DIP2B: variants seen among roughly 807,000 people sequenced by gnomAD.
DIP2B encodes the protein disco-interacting protein 2 homolog B.
DIP2B carries 76 observed loss-of-function variants against 198.0 expected under a neutral mutation model. The ratio of observed to expected loss-of-function variants is 0.38; its 90% confidence interval spans 0.32 to 0.46. The LOEUF is 0.46. DIP2B is among the 20% of genes least tolerant of loss of function. DIP2B has a pLI of 0.99. For synonymous variants in DIP2B, 701 were observed against 739.1 expected (o/e 0.95, Z 0.84); for missense variants, 1,559 against 1,978.4 (o/e 0.79, Z 4.02).
intron 1 of DIP2B, among the ~76,000 whole-genome samples, chr12:50,546,135 A>G (rs73307136): frequency 0.029 from 4,463 of 152,282 alleles, 212 homozygotes; most frequent in African/African-American, 0.1. Flanking sequence ...TTCCTTCTTC[A>G]CATAAGATGG....
chr12:50,560,362 T>C (rs2139396663), intron 1 of DIP2B, among the ~76,000 whole-genome samples: 1 of 149,478 alleles, frequency 6.7e-6, no homozygotes, highest in African/African-American at 2.5e-5. Flanking sequence ...AGCCACTGCA[T>C]TCCAGCTTGG....
intron 22 of DIP2B, 27 bp from the exon 23 acceptor site, chr12:50,714,368 T>A: frequency 1.2e-6 from 2 of 1,613,302 alleles, no homozygotes; most frequent in Non-Finnish European, 1.7e-6. Context: ...GTGATCTCAC[T>A]GAGTATTTTT....
At chr12:50,562,848 CTGAT>C (rs773615601) in intron 1 of DIP2B, among the ~76,000 whole-genome samples, 2 of 152,000 alleles carry the variant, frequency 1.3e-5, no homozygotes, top group African/African-American at 2.4e-5. Context: ...GGGAGAGAGA[CTGAT>C]TGATTGTAAT....
intron 1 of DIP2B, among the ~76,000 whole-genome samples, chr12:50,527,894 A>C (rs1958180735): frequency 6.6e-6 from 1 of 152,020 alleles, no homozygotes; most frequent in East Asian, 1.9e-4. Flanking sequence ...CAGTTGTGGA[A>C]AAAAGTGCTT....
In DIP2B at chr12:50,709,448, C is replaced by T. The variant is rs550625467; in HGVS notation, c.2649+886C>T. 1.1e-4 allele frequency among the ~76,000 whole-genome samples: 17 copies of T among 151,430 alleles called. No homozygotes were observed. In the East Asian group the frequency reaches 2.7e-3, roughly 24 times the overall value. On this transcript the variant is annotated intron_variant, in intron 22 of 37. Coordinates refer to ENST00000301180, the MANE Select transcript of DIP2B (RefSeq NM_173602.3). ...GAGATCGAGACCATCCTGGCTAACA[C>T]GGTGAAACCCCGTCTCTACTAAAAA...
At position 50,680,909 on chromosome 12, in the gene DIP2B, G is replaced by T. The variant is rs17124871; in HGVS notation, c.1206+146G>T. ...AAAATAAAAATGGTTTGGTTCCAAC[G>T]CAGGTTAGCCCAATGCCAGATGACA... On this transcript the variant is annotated intron_variant, in intron 9 of 37. Transcript: ENST00000301180. 7.0e-4 allele frequency: 572 copies of T among 814,604 alleles called. 2 individuals carry two copies. The African/African-American group carries it at 8.7e-3, about 12-fold the overall frequency. 50.5% of individuals were successfully genotyped at this position (814,604 alleles called of 1,614,324 possible).
chr12:50,716,954 G>GTTGCTTTTTTTTTTTTTTT (rs1207995433), intron 23 of DIP2B, among the ~76,000 whole-genome samples: 1 of 18,540 alleles, frequency 5.4e-5, no homozygotes, highest in Non-Finnish European at 1.3e-4. Context: ...TTTACGAATT[G>GTTGCTTTTTTTTTTTTTTT]TTGCTTTTTT....
At chr12:50,672,951 A>T (rs1345698547) in intron 5 of DIP2B, among the ~76,000 whole-genome samples, 1 of 152,062 alleles carries the variant, frequency 6.6e-6, no homozygotes, top group African/African-American at 2.4e-5. Flanking sequence ...CTATTGTGTG[A>T]CTCTCTGCCC....
At chr12:50,583,531 G>A (rs1008107181) in intron 1 of DIP2B, among the ~76,000 whole-genome samples, 1 of 152,100 alleles carries the variant, frequency 6.6e-6, no homozygotes, top group African/African-American at 2.4e-5. Flanking sequence ...CAGATGTCCC[G>A]ATGTAGGATT....
chr12:50,736,132 C>A (rs532629656), intron 34 of DIP2B, among the ~76,000 whole-genome samples: 1 of 152,264 alleles, frequency 6.6e-6, no homozygotes, highest in South Asian at 2.1e-4. Flanking sequence ...AGAATCCCTG[C>A]CAAACCTACT....
chr12:50,691,272 C>A, intron 13 of DIP2B, 121 bp downstream of exon 13: 3 of 896,272 alleles, frequency 3.3e-6, no homozygotes, highest in South Asian at 1.8e-5. Context: ...TCCCAAGACA[C>A]ATTCTTGGCT....
At chr12:50,605,826 C>T (rs1958976345) in intron 1 of DIP2B, among the ~76,000 whole-genome samples, 1 of 151,812 alleles carries the variant, frequency 6.6e-6, no homozygotes, top group South Asian at 2.1e-4. Context: ...CTTTTCTTTT[C>T]TTTCGTTTTT....
chr12:50,648,819 T>C (rs1431400852), intron 3 of DIP2B, among the ~76,000 whole-genome samples: 3 of 152,122 alleles, frequency 2.0e-5, no homozygotes, highest in South Asian at 4.1e-4. Flanking sequence ...GTGTAAGAAT[T>C]AGAAAAGAAG....
chr12:50,597,874 C>A (rs1958891872), intron 1 of DIP2B, among the ~76,000 whole-genome samples: 1 of 152,112 alleles, frequency 6.6e-6, no homozygotes, highest in African/African-American at 2.4e-5. Context: ...ACTGAACAGT[C>A]AAGTTCTTTT....
chr12:50,600,894 T>TCACCACCACCACCACCAC (rs34616785), intron 1 of DIP2B, among the ~76,000 whole-genome samples: 24 of 121,578 alleles, frequency 2.0e-4, no homozygotes, highest in African/African-American at 3.2e-4. Flanking sequence ...ATGACCACCA[T>TCACCACCACCACCACCAC]CACCACCACC....
At chr12:50,511,028 C>T (rs1351762033) in intron 1 of DIP2B, among the ~76,000 whole-genome samples, 1 of 151,076 alleles carries the variant, frequency 6.6e-6, no homozygotes, top group Non-Finnish European at 1.5e-5. Context: ...TCACTGCAAC[C>T]TCTGCCTCCT....
chr12:50,717,690 A>G (rs1017436541), intron 23 of DIP2B, among the ~76,000 whole-genome samples: 6 of 150,496 alleles, frequency 4.0e-5, no homozygotes, highest in African/African-American at 1.2e-4. Flanking sequence ...TCTGGCACAA[A>G]TGATCCTCCC....
chr12:50,601,365 GAC>G (rs1958935176), intron 1 of DIP2B, among the ~76,000 whole-genome samples: 1 of 150,320 alleles, frequency 6.7e-6, no homozygotes, highest in Non-Finnish European at 1.5e-5. Context: ...TTTTTTTTTA[GAC>G]AGAGTCTTGC....
At chr12:50,690,177 C>T (rs1359717271) in intron 12 of DIP2B, among the ~76,000 whole-genome samples, 5 of 150,960 alleles carry the variant, frequency 3.3e-5, no homozygotes, top group Admixed American at 3.3e-4. Context: ...AGCTCTGCCT[C>T]CCAGGTTCAC....
Sources: allele counts gnomAD v4.1 joint callset (sites outside exome capture counted in the v4.1 genomes callset), GRCh38; gene constraint gnomAD v4.1.1; transcripts MANE v1.5; gene names NCBI Gene and HGNC (gene_info 2026-07-23, HGNC 2026-07-21).